SCML4: variants seen among roughly 807,000 people sequenced by gnomAD.
SCML4 encodes sex comb on midleg-like protein 4.
SCML4 carries 34 observed loss-of-function variants against 41.1 expected under a neutral mutation model. The observed-to-expected ratio is 0.83, with a 90% CI of 0.63 to 1.10. The LOEUF is 1.10. Ranked by LOEUF, SCML4 falls within the 50% of genes least tolerant of loss-of-function variation. The pLI is 0.00. For missense variants in SCML4, 522 were observed against 534.1 expected (o/e 0.98, Z 0.22); for synonymous variants, 214 against 220.9 (o/e 0.97, Z 0.28).
intron 1 of SCML4, among the ~76,000 whole-genome samples, chr6:107,801,459 C>T (rs1284829894): frequency 6.6e-6 from 1 of 152,190 alleles, no homozygotes; most frequent in Non-Finnish European, 1.5e-5. Flanking sequence ...GGTATGGAAC[C>T]TATAACTCTG....
At position 107,749,123 on chromosome 6, in the gene SCML4, C is replaced by T. The variant is rs117590851; in HGVS notation, c.286+561G>A. Among the ~76,000 whole-genome samples, 804 of 151,258 alleles carry T rather than the reference C, an allele frequency of 5.3e-3. 12 individuals carry two copies. The East Asian group carries it at 0.063, about 12-fold the overall frequency. ...ACATAGGATTCTCTGTGTGTGTGCG[C>T]GTGTGTGTGTGTGCATGTGCGTGTG... On this transcript the variant is annotated intron_variant, in intron 3 of 7. Coordinates refer to ENST00000369020, the MANE Select transcript of SCML4 (RefSeq NM_198081.5).
At chr6:107,741,892 A>G (rs2114483700) in intron 5 of SCML4, among the ~76,000 whole-genome samples, 1 of 152,370 alleles carries the variant, frequency 6.6e-6, no homozygotes, top group African/African-American at 2.4e-5. Flanking sequence ...TCCACAAGAA[A>G]CAACGGCTGA....
At chr6:107,782,142 C>T (rs1297407136) in intron 1 of SCML4, among the ~76,000 whole-genome samples, 2 of 152,188 alleles carry the variant, frequency 1.3e-5, no homozygotes, top group Admixed American at 1.3e-4. Flanking sequence ...GGGAAAAACA[C>T]CCATTCCAGC....
rs1321163815 is a variant in SCML4, at chr6:107,702,409, C to T, written c.*2791G>A. Reference sequence around the variant, plus strand: ...GGGGCTGATTTTTATTTGAGAGCACCAATGTTTGTGACTCTGTAGTGAAGG... The same window carrying T: ...GGGGCTGATTTTTATTTGAGAGCACTAATGTTTGTGACTCTGTAGTGAAGG... On this transcript the variant is annotated 3_prime_UTR_variant, in exon 8 of 8. Coordinates refer to ENST00000369020, the MANE Select transcript of SCML4 (RefSeq NM_198081.5). 2.6e-5 allele frequency among the ~76,000 whole-genome samples: 4 copies of T among 152,066 alleles called. No homozygotes were observed. The highest frequency in any genetic ancestry group is 4.4e-5 in the Non-Finnish European group (3 of 68,030).
upstream of SCML4, among the ~76,000 whole-genome samples, chr6:107,825,145 T>C (rs1344080650): frequency 1.3e-5 from 2 of 152,240 alleles, no homozygotes; most frequent in Non-Finnish European, 2.9e-5. Context: ...ATCTTTTCTT[T>C]TCCTTTCTTT....
At chr6:107,803,529 A>AG (rs1783456842) in intron 1 of SCML4, among the ~76,000 whole-genome samples, 1 of 148,390 alleles carries the variant, frequency 6.7e-6, no homozygotes, top group East Asian at 2.0e-4. Context: ...CTGCCCGGCC[A>AG]CCACCCCGTC....
chr6:107,819,091 C>A (rs576623613), intron 1 of SCML4, among the ~76,000 whole-genome samples: 1 of 152,296 alleles, frequency 6.6e-6, no homozygotes, highest in South Asian at 2.1e-4. Context: ...TTACTGAATC[C>A]TTTCTGAACT....
chr6:107,824,409 C>G (rs1226805560), upstream of SCML4: 1 of 151,858 alleles, frequency 6.6e-6, no homozygotes, highest in Non-Finnish European at 1.5e-5. Context: ...GAAAACCAGC[C>G]AACCACTGGC....
chr6:107,791,442 T>C (rs1296370587), intron 1 of SCML4, among the ~76,000 whole-genome samples: 22 of 151,734 alleles, frequency 1.4e-4, no homozygotes, highest in Admixed American at 1.4e-3. Context: ...AGTCTCAGAG[T>C]GGCCACTGGA....
intron 5 of SCML4, among the ~76,000 whole-genome samples, chr6:107,742,625 G>A (rs954217630): frequency 1.2e-4 from 19 of 152,096 alleles, no homozygotes; most frequent in African/African-American, 3.6e-4. Context: ...ATATAGGCCA[G>A]GAGGGAATGG....
the SCML4 span, among the ~76,000 whole-genome samples, chr6:107,844,151 C>T: frequency 6.6e-6 from 1 of 151,938 alleles, no homozygotes; most frequent in Non-Finnish European, 1.5e-5. Context: ...AACCATGCAA[C>T]AAAGCTATTA....
chr6:107,785,660 G>A (rs185338469), intron 1 of SCML4, among the ~76,000 whole-genome samples: 26 of 152,330 alleles, frequency 1.7e-4, no homozygotes, highest in Middle Eastern at 3.4e-3. Flanking sequence ...CAAGGTCACC[G>A]GGGTGCTGTG....
At chr6:107,731,735 A>G (rs896808846) in intron 5 of SCML4, among the ~76,000 whole-genome samples, 1 of 152,254 alleles carries the variant, frequency 6.6e-6, no homozygotes, top group Non-Finnish European at 1.5e-5. Context: ...TGGCAACATC[A>G]GAGATTCCTA....
chr6:107,757,417 G>T (rs944824391), intron 2 of SCML4, among the ~76,000 whole-genome samples: 4 of 152,212 alleles, frequency 2.6e-5, no homozygotes, highest in Admixed American at 6.5e-5. Flanking sequence ...GCAAGAGGTG[G>T]ATAATCTGAG....
chr6:107,833,163 T>G, the SCML4 span, among the ~76,000 whole-genome samples: 1 of 152,210 alleles, frequency 6.6e-6, no homozygotes, highest in Non-Finnish European at 1.5e-5. Flanking sequence ...ATTCCATTCT[T>G]TCTTACAAGG....
intron 5 of SCML4, among the ~76,000 whole-genome samples, chr6:107,740,841 A>C (rs565986047): frequency 1.3e-5 from 2 of 152,372 alleles, no homozygotes; most frequent in African/African-American, 4.8e-5. Flanking sequence ...AGAAGCAGAG[A>C]GCATGATGCC....
At chr6:107,752,936 A>G (rs1778809509) in intron 2 of SCML4, among the ~76,000 whole-genome samples, 1 of 152,198 alleles carries the variant, frequency 6.6e-6, no homozygotes, top group Admixed American at 6.5e-5. Context: ...ATTTTAAAAT[A>G]GGGTAGCTCC....
intron 2 of SCML4, among the ~76,000 whole-genome samples, chr6:107,770,150 T>C (rs1314492123): frequency 6.6e-6 from 1 of 152,210 alleles, no homozygotes; most frequent in Non-Finnish European, 1.5e-5. Flanking sequence ...TCTAGGAAAT[T>C]GTCAAAATAA....
chr6:107,751,260 C>T (rs1242030573), intron 2 of SCML4, among the ~76,000 whole-genome samples: 1 of 152,158 alleles, frequency 6.6e-6, no homozygotes, highest in Non-Finnish European at 1.5e-5. Flanking sequence ...GTACTTTAGG[C>T]TGACATTTTT....
Sources: allele counts gnomAD v4.1 joint callset (sites outside exome capture counted in the v4.1 genomes callset), GRCh38; gene constraint gnomAD v4.1.1; transcripts MANE v1.5; gene names NCBI Gene and HGNC (gene_info 2026-07-23, HGNC 2026-07-21).